Variants in KDM4C observed in about 807,000 individuals in gnomAD.
KDM4C encodes lysine-specific demethylase 4C.
KDM4C carries 81 observed loss-of-function variants against 129.3 expected under a neutral mutation model. The ratio of observed to expected loss-of-function variants is 0.63; its 90% CI spans 0.52 to 0.75. The LOEUF (loss-of-function observed/expected upper bound fraction) is 0.75. KDM4C is among the 30% of genes least tolerant of loss of function. The pLI, the probability that KDM4C is intolerant of heterozygous loss-of-function variation, is 0.00. For missense variants in KDM4C, 1,457 were observed against 1,304.0 expected (o/e 1.12, Z -1.81); for synonymous variants, 573 against 456.1 (o/e 1.26, Z -3.26).
chr9:7,150,184 T>A (rs1023302319), intron 19 of KDM4C, among the ~76,000 whole-genome samples: 3 of 152,152 alleles, frequency 2.0e-5, no homozygotes. Context: ...CCCCACAGAG[T>A]GCCGCAGGAG....
At chr9:6,940,059 TTCCCTCCTTCTC>T (rs1160919241) in intron 8 of KDM4C, among the ~76,000 whole-genome samples, 10 of 134,072 alleles carry the variant, frequency 7.5e-5, no homozygotes, top group East Asian at 4.4e-4. Context: ...CCTTCCCTCC[TTCCCTCCTTCTC>T]TCTCTCTCTT....
At chr9:7,104,675 T>G (rs10125871) in intron 18 of KDM4C, among the ~76,000 whole-genome samples, 8,026 of 152,232 alleles carry the variant, frequency 0.053, 646 homozygotes, top group African/African-American at 0.18. Flanking sequence ...TGTTTCTGGC[T>G]ACCAAATAGG....
intron 1 of KDM4C, among the ~76,000 whole-genome samples, chr9:6,750,899 G>A (rs1818043926): frequency 6.6e-6 from 1 of 152,178 alleles, no homozygotes; most frequent in Non-Finnish European, 1.5e-5. Flanking sequence ...AGTAGGAGGT[G>A]GTTGGGCTGG....
chr9:6,742,145 G>A (rs1281212934), intron 1 of KDM4C, among the ~76,000 whole-genome samples: 1 of 151,630 alleles, frequency 6.6e-6, no homozygotes, highest in Non-Finnish European at 1.5e-5. Flanking sequence ...GCTAATTTTT[G>A]TATTTTTAGT....
At chr9:7,132,674 C>A (rs1840771661) in intron 19 of KDM4C, among the ~76,000 whole-genome samples, 1 of 152,194 alleles carries the variant, frequency 6.6e-6, no homozygotes, top group Non-Finnish European at 1.5e-5. Flanking sequence ...AAGTTGCCCA[C>A]CTGAAAGTAC....
chr9:6,801,641 GTC>G (rs752049998), intron 2 of KDM4C, among the ~76,000 whole-genome samples: 125 of 132,150 alleles, frequency 9.5e-4, no homozygotes, highest in Admixed American at 1.0e-3. Flanking sequence ...CTCTCTCTCT[GTC>G]TCTCTCTCTC....
At chr9:7,127,989 G>T in intron 18 of KDM4C, 77 bp from the exon 19 acceptor site, 4 of 1,186,360 alleles carry the variant, frequency 3.4e-6, no homozygotes, top group South Asian at 5.7e-5. Flanking sequence ...TTTTTCAAAT[G>T]AATATTTTTT....
At chr9:6,952,260 A>G (rs1426659265) in intron 8 of KDM4C, among the ~76,000 whole-genome samples, 1 of 152,070 alleles carries the variant, frequency 6.6e-6, no homozygotes, top group African/African-American at 2.4e-5. Context: ...AAAGCAAAGC[A>G]ACCTGATGGT....
intron 8 of KDM4C, among the ~76,000 whole-genome samples, chr9:6,960,268 T>C (rs902475942): frequency 4.9e-5 from 7 of 142,830 alleles, no homozygotes; most frequent in Non-Finnish European, 9.0e-5. Flanking sequence ...GGAAGCTCTT[T>C]TAAAATGTTT....
chr9:6,808,987 A>T (rs573452353), intron 3 of KDM4C, among the ~76,000 whole-genome samples: 2 of 152,140 alleles, frequency 1.3e-5, no homozygotes, highest in Non-Finnish European at 2.9e-5. Context: ...ATAGTTTCCA[A>T]ATTCCCTGGA....
chr9:7,105,383 C>T (rs1241990719), intron 18 of KDM4C: 3 of 464,650 alleles, frequency 6.5e-6, no homozygotes, highest in African/African-American at 6.0e-5. Context: ...GGTATCCCAC[C>T]TCACCATGTT....
Position 6,805,725 on chromosome 9 carries a change from A to C in KDM4C, c.271A>C (p.Lys91Gln). The stretch of plus-strand genomic sequence containing the variant: ...ACTGTTCACTCAGTACAACATCCAG[A>C]AAAAAGCGATGACTGTGAAGGAGTT... Reference protein sequence around the residue: ...SGLFTQYNIQKKAMTVKEFRQ... With the variant: ...SGLFTQYNIQQKAMTVKEFRQ... Residue 91 changes from lysine to glutamine, a missense_variant, in exon 3 of 22, where the codon AAA becomes CAA. Coordinates refer to ENST00000381309, the MANE Select transcript of KDM4C (RefSeq NM_015061.6). 6.2e-7 allele frequency: 1 copy of C among 1,614,082 alleles called. No individual in the cohort carries two copies. Among genetic ancestry groups the C allele is most frequent in the Non-Finnish European group, 8.5e-7 (1 of 1,179,978 alleles).
At chr9:6,768,261 G>A (rs1821037339) in intron 1 of KDM4C, among the ~76,000 whole-genome samples, 1 of 151,978 alleles carries the variant, frequency 6.6e-6, no homozygotes, top group South Asian at 2.1e-4. Flanking sequence ...CTCGGTCCCT[G>A]GGAAAGCACA....
chr9:7,133,325 A>T (rs1840842508), intron 19 of KDM4C, among the ~76,000 whole-genome samples: 1 of 152,190 alleles, frequency 6.6e-6, no homozygotes, highest in South Asian at 2.1e-4. Flanking sequence ...GTCAGATTAG[A>T]TGAGAACCTG....
chr9:6,980,885 A>T (rs913673030), intron 8 of KDM4C, 40 bp from the exon 9 acceptor site: 3 of 1,575,952 alleles, frequency 1.9e-6, no homozygotes, highest in Admixed American at 3.4e-5. Flanking sequence ...CTGTATAGTT[A>T]GCGAAACGTT....
At chr9:7,150,008 G>A (rs776998850) in intron 19 of KDM4C, among the ~76,000 whole-genome samples, 2 of 152,140 alleles carry the variant, frequency 1.3e-5, no homozygotes, top group African/African-American at 2.4e-5. Context: ...CTGAGATCAC[G>A]AGTGGGATCA....
In KDM4C at chr9:6,860,835, C is replaced by G. The variant is rs146047335; in HGVS notation, c.629+11135C>G. 1.5e-4 allele frequency among the ~76,000 whole-genome samples: 23 copies of G among 152,214 alleles called. No homozygotes were observed. The East Asian group carries it at 4.2e-3, about 28-fold the overall frequency. ...ATTGTGTTTCTCTAGATTGAGAATACTTTTTTGAGATTGTCTGGGCTCCTT... is the reference window on the plus strand; with the variant it reads ...ATTGTGTTTCTCTAGATTGAGAATAGTTTTTTGAGATTGTCTGGGCTCCTT... On this transcript the variant is annotated intron_variant, in intron 5 of 21. Coordinates refer to ENST00000381309, the MANE Select transcript of KDM4C (RefSeq NM_015061.6).
At chr9:6,973,649 C>T (rs1450849337) in intron 8 of KDM4C, among the ~76,000 whole-genome samples, 3 of 152,188 alleles carry the variant, frequency 2.0e-5, no homozygotes, top group African/African-American at 7.2e-5. Context: ...CAAGTGAGAG[C>T]ACCCTTGATA....
At chr9:6,807,341 C>G (rs12553200) in intron 3 of KDM4C, among the ~76,000 whole-genome samples, 11,640 of 149,200 alleles carry the variant, frequency 0.078, 546 homozygotes, top group Middle Eastern at 0.11. Context: ...GCCTGGCCGC[C>G]CATCGTCTGG....
Sources: gnomAD v4.1 joint callset for allele counts (sites outside exome capture counted in the v4.1 genomes callset) on GRCh38, gnomAD v4.1.1 for gene constraint, MANE v1.5 for transcripts, NCBI Gene and HGNC (gene_info 2026-07-23, HGNC 2026-07-21) for gene names.